SNX25: variants seen among roughly 807,000 people sequenced by gnomAD.
SNX25 encodes sorting nexin-25.
Under a neutral mutation model 113.7 loss-of-function variants are expected in SNX25, and 62 were observed. The ratio of observed to expected loss-of-function variants is 0.55; its 90% CI spans 0.44 to 0.67. The LOEUF (loss-of-function observed/expected upper bound fraction) is 0.67. SNX25 is among the 30% of genes least tolerant of loss of function. The pLI is 0.00. For synonymous variants in SNX25, 421 were observed against 436.2 expected, an observed-to-expected ratio of 0.97 and a Z score of 0.43; for missense variants, 1,014 against 1,161.0, an observed-to-expected ratio of 0.87 and a Z score of 1.84.
chr4:185,240,947 TC>T (rs1743834638), intron 1 of SNX25, among the ~76,000 whole-genome samples: 2 of 147,968 alleles, frequency 1.4e-5, no homozygotes, highest in South Asian at 4.4e-4. Flanking sequence ...GCTTCTCACT[TC>T]CTAGATGGGA....
chr4:185,340,809 G>A (rs532303461), intron 11 of SNX25, among the ~76,000 whole-genome samples: 3 of 152,286 alleles, frequency 2.0e-5, no homozygotes, highest in African/African-American at 7.2e-5. Flanking sequence ...GCTGCTTGCT[G>A]AAGCACTCTG....
At chr4:185,213,235 C>G (rs147162824) in intron 1 of SNX25, among the ~76,000 whole-genome samples, 6 of 151,858 alleles carry the variant, frequency 4.0e-5, no homozygotes, top group African/African-American at 1.2e-4. Flanking sequence ...TTTATGGTCA[C>G]TAACTTAGTG....
intron 7 of SNX25, among the ~76,000 whole-genome samples, chr4:185,319,193 CTTTTTTTTT>C (rs143650995): frequency 1.2e-5 from 1 of 85,970 alleles, no homozygotes; most frequent in Non-Finnish European, 2.0e-5. Flanking sequence ...TGAGAAAGTC[CTTTTTTTTT>C]TTTTTTTTTT....
At chr4:185,237,236 GT>G (rs1018381822) in intron 1 of SNX25, among the ~76,000 whole-genome samples, 2 of 151,700 alleles carry the variant, frequency 1.3e-5, no homozygotes, top group African/African-American at 2.4e-5. Context: ...ACAATTTTCT[GT>G]TTTTTTTGAT....
At position 185,341,341 on chromosome 4, in the gene SNX25, G is replaced by GC. The variant is rs1412770727; in HGVS notation, c.2047-630dup. Among the ~76,000 whole-genome samples, 7 of 152,336 alleles carry GC rather than the reference G, an allele frequency of 4.6e-5. No homozygotes were observed. The East Asian group carries it at 1.4e-3, about 29-fold the overall frequency. On this transcript the variant is annotated intron_variant, in intron 11 of 18. Coordinates refer to ENST00000652585, the MANE Select transcript of SNX25 (RefSeq NM_001378034.2). ...TGGATCCTGAAATTAAACTGGAGGT[G>GC]CCCCCATCCTTCTCTGAGAGAGTTT...
intron 1 of SNX25, among the ~76,000 whole-genome samples, chr4:185,224,246 G>A (rs1480018575): frequency 1.3e-5 from 2 of 151,678 alleles, no homozygotes; most frequent in African/African-American, 4.8e-5. Flanking sequence ...CAGCTACTCG[G>A]GAGGCGAGGC....
chr4:185,288,484 C>A (rs1751665557), intron 6 of SNX25, among the ~76,000 whole-genome samples: 1 of 151,678 alleles, frequency 6.6e-6, no homozygotes, highest in Non-Finnish European at 1.5e-5. Flanking sequence ...CATAATTAAT[C>A]TTTTCCTTAT....
downstream of SNX25, chr4:185,364,730 T>TA (rs1185337080): frequency 1.3e-5 from 2 of 152,128 alleles, no homozygotes; most frequent in African/African-American, 4.8e-5. Context: ...TGGCTATTGA[T>TA]AAAAATTATC....
intron 5 of SNX25, among the ~76,000 whole-genome samples, chr4:185,274,561 G>C (rs1749393676): frequency 6.6e-6 from 1 of 152,188 alleles, no homozygotes; most frequent in African/African-American, 2.4e-5. Flanking sequence ...TGCTGCCATA[G>C]CACATGGATA....
chr4:185,213,379 A>G (rs1272082651), intron 1 of SNX25, among the ~76,000 whole-genome samples: 3 of 152,210 alleles, frequency 2.0e-5, no homozygotes, highest in Non-Finnish European at 4.4e-5. Context: ...TTCATCCCAG[A>G]CTTCCGTGGT....
intron 2 of SNX25, among the ~76,000 whole-genome samples, chr4:185,248,160 A>T (rs1402548002): frequency 6.6e-6 from 1 of 152,224 alleles, no homozygotes; most frequent in Non-Finnish European, 1.5e-5. Flanking sequence ...AAACAGTTTG[A>T]AATTGTGTGG....
chr4:185,266,037 A>T (rs1308179313), intron 4 of SNX25, among the ~76,000 whole-genome samples: 3 of 152,224 alleles, frequency 2.0e-5, no homozygotes, highest in African/African-American at 7.2e-5. Flanking sequence ...AGGATAAGAG[A>T]AACTTTCCCT....
chr4:185,207,266 G>C (rs1246352481), upstream of SNX25, among the ~76,000 whole-genome samples: 2 of 142,510 alleles, frequency 1.4e-5, no homozygotes, highest in Non-Finnish European at 3.0e-5. Flanking sequence ...GCCCAGGCTG[G>C]AGTGCAGTGG....
chr4:185,368,276 C>CTAGAGTGTT (rs1376232989), downstream of SNX25, among the ~76,000 whole-genome samples: 3 of 152,222 alleles, frequency 2.0e-5, no homozygotes, highest in Non-Finnish European at 2.9e-5. Context: ...GCTGGTTTCA[C>CTAGAGTGTT]AGAAACCTAA....
chr4:185,250,070 T>C (rs1008770089), intron 2 of SNX25, among the ~76,000 whole-genome samples: 5 of 152,214 alleles, frequency 3.3e-5, no homozygotes, highest in Non-Finnish European at 5.9e-5. Flanking sequence ...GATTCTTTTA[T>C]CTTCCTCTGA....
intron 3 of SNX25, among the ~76,000 whole-genome samples, chr4:185,259,442 G>A (rs534234904): frequency 1.9e-3 from 291 of 152,234 alleles, no homozygotes; most frequent in Non-Finnish European, 2.4e-3. Flanking sequence ...GTTTCTTTTT[G>A]TGAGTCCTAT....
At position 185,210,418 on chromosome 4, in the gene SNX25, C is replaced by G. The variant is rs891386601; in HGVS notation, c.429+163C>G. Among the ~76,000 whole-genome samples, 3 of 137,316 alleles carry G rather than the reference C, an allele frequency of 2.2e-5. No individual in the cohort carries two copies. Among genetic ancestry groups the G allele is most frequent in the Non-Finnish European group, 5.1e-5 (3 of 58,556 alleles). 90.1% of individuals were successfully genotyped at this position (137,316 alleles called of 152,430 possible). ...GGCCCGGCCGTGGACGCGAGCGTTCCCCGGCGCCCGCGCGCGGCGGGCTCC... is the reference window on the plus strand; with the variant it reads ...GGCCCGGCCGTGGACGCGAGCGTTCGCCGGCGCCCGCGCGCGGCGGGCTCC... On this transcript the variant is annotated intron_variant, in intron 1 of 18. Transcript: ENST00000652585. This position sits in a 1 kb window ranked among gnomAD's most constrained non-coding sequence, Gnocchi z 4.4.
chr4:185,328,078 C>T (rs2095169095), intron 9 of SNX25, among the ~76,000 whole-genome samples: 1 of 152,120 alleles, frequency 6.6e-6, no homozygotes, highest in African/African-American at 2.4e-5. Flanking sequence ...TTTTCTTAGG[C>T]CAATTAATTA....
At chr4:185,237,370 G>A (rs748009811) in intron 1 of SNX25, among the ~76,000 whole-genome samples, 1 of 152,140 alleles carries the variant, frequency 6.6e-6, no homozygotes, top group Non-Finnish European at 1.5e-5. Context: ...CATCTCCAGG[G>A]AATGTGCGCT....
Sources: allele counts gnomAD v4.1 joint callset (sites outside exome capture counted in the v4.1 genomes callset), GRCh38; gene constraint gnomAD v4.1.1; non-coding constraint Gnocchi (gnomAD v3.1); transcripts MANE v1.5; gene names NCBI Gene and HGNC (gene_info 2026-07-23, HGNC 2026-07-21).